PSME4: variants seen among roughly 807,000 people sequenced by gnomAD.
PSME4 encodes proteasome activator complex subunit 4.
In PSME4, 89 loss-of-function variants were observed where a neutral mutation model predicts 253.9. That is an observed-to-expected ratio of 0.35 (90% CI 0.30 to 0.42). The LOEUF (loss-of-function observed/expected upper bound fraction) is 0.42. PSME4 is among the 10% of genes least tolerant of loss of function. The pLI, the probability that PSME4 is intolerant of heterozygous loss-of-function variation, is 1.00. For synonymous variants in PSME4, 851 were observed against 759.2 expected (o/e 1.12, Z -1.99); for missense variants, 2,014 against 2,195.2 (o/e 0.92, Z 1.65).
rs571833072 is a variant in PSME4 at position 53,933,375 on chromosome 2, C to CAAAAAAAAAAAAAAAAAAAAAAAAAAA, written c.958-642_958-616dup. 8.2e-5 allele frequency among the ~76,000 whole-genome samples: 5 copies of CAAAAAAAAAAAAAAAAAAAAAAAAAAA among 60,618 alleles called. 1 individual carries two copies. The East Asian group carries it at 1.3e-3, about 16-fold the overall frequency. The allele number at this position is 60,618 out of a possible 152,430, so 39.8% of individuals were successfully genotyped here. On this transcript the variant is annotated intron_variant, in intron 8 of 46. Coordinates refer to ENST00000404125, the MANE Select transcript of PSME4 (RefSeq NM_014614.3). ...CCTGGGCGATAGAGCGAGACCATCT[C>CAAAAAAAAAAAAAAAAAAAAAAAAAAA]AAAAAAAAAAAAAAAAAAAAAAAAA...
At chr2:53,872,741 CAAAAAAAAAAAAAAAA>C (rs61308177) in intron 43 of PSME4, among the ~76,000 whole-genome samples, 1 of 48,006 alleles carries the variant, frequency 2.1e-5, no homozygotes, top group Non-Finnish European at 3.9e-5. Flanking sequence ...GACTTGGTCT[CAAAAAAAAAAAAAAAA>C]AAAAAAAAAA....
At chr2:53,966,650 A>G (rs1670752068) in intron 1 of PSME4, among the ~76,000 whole-genome samples, 1 of 152,066 alleles carries the variant, frequency 6.6e-6, no homozygotes, top group African/African-American at 2.4e-5. Flanking sequence ...GAGCACCCGC[A>G]GCCCCTCATG....
rs756419284 is a variant in PSME4, at chr2:53,869,359, C to T, written c.5263+17G>A. 20 of 1,589,712 alleles carry T rather than the reference C, an allele frequency of 1.3e-5. No individual in the cohort carries two copies. In the South Asian group the frequency reaches 1.8e-4, roughly 14 times the overall value. On this transcript the variant is annotated intron_variant, in intron 44 of 46. Coordinates refer to ENST00000404125, the MANE Select transcript of PSME4 (RefSeq NM_014614.3). ...AATTCCCAATAGGATACAGGTGTTT[C>T]CTACCAGCAATGTTACCTGCAGAAG...
At chr2:53,943,649 T>C (rs1344337123) in intron 3 of PSME4, among the ~76,000 whole-genome samples, 1 of 152,024 alleles carries the variant, frequency 6.6e-6, no homozygotes, top group Non-Finnish European at 1.5e-5. Context: ...AAGACCAGCC[T>C]GGCCAACATG....
intron 1 of PSME4, among the ~76,000 whole-genome samples, chr2:53,970,228 C>G (rs1315659700): frequency 2.0e-5 from 3 of 152,208 alleles, no homozygotes; most frequent in African/African-American, 7.2e-5. Context: ...AGGCTCACCT[C>G]TCTCCCTCGG....
chr2:53,915,240 A>G (rs1049372621), intron 20 of PSME4, among the ~76,000 whole-genome samples: 1 of 152,110 alleles, frequency 6.6e-6, no homozygotes, highest in East Asian at 1.9e-4. Context: ...CGGGAAATTG[A>G]GACCAGCCTA....
chr2:53,920,828 T>C, intron 18 of PSME4, 61 bp downstream of exon 18: 1 of 1,364,180 alleles, frequency 7.3e-7, no homozygotes, highest in Non-Finnish European at 1.0e-6. Flanking sequence ...AATAACACTT[T>C]GAATCCCTTA....
intron 18 of PSME4, 49 bp from the exon 19 acceptor site, chr2:53,920,399 A>C: frequency 1.3e-6 from 2 of 1,508,998 alleles, no homozygotes; most frequent in Non-Finnish European, 1.8e-6. Flanking sequence ...TAAAAACAAC[A>C]ACAACAAACC....
intron 10 of PSME4, 62 bp downstream of exon 10, chr2:53,931,773 A>G: frequency 6.6e-7 from 1 of 1,521,704 alleles, no homozygotes; most frequent in East Asian, 2.3e-5. Flanking sequence ...AGAAAAGAGA[A>G]TCGAGCTGAA....
At position 53,947,711 on chromosome 2, in the gene PSME4, A is replaced by AAAACAAAACG. The variant is rs1553339672; in HGVS notation, c.500+709_500+710insCGTTTTGTTT. On this transcript the variant is annotated intron_variant, in intron 3 of 46. Coordinates refer to ENST00000404125, the MANE Select transcript of PSME4 (RefSeq NM_014614.3). ...ACAGAGCGAGACTCCATCTCAAAAC[A>AAAACAAAACG]AAACAAACAAAAACACTGAAGAGGC... Among the ~76,000 whole-genome samples, 1,040 of 150,606 alleles carry AAAACAAAACG rather than the reference A, an allele frequency of 6.9e-3. 16 individuals are homozygous for AAAACAAAACG. Among genetic ancestry groups the AAAACAAAACG allele is most frequent in the African/African-American group, 0.024 (985 of 40,874 alleles).
At chr2:53,934,442 T>A (rs1669009443) in intron 8 of PSME4, among the ~76,000 whole-genome samples, 163 bp downstream of exon 8, 2 of 152,202 alleles carry the variant, frequency 1.3e-5, no homozygotes, top group African/African-American at 4.8e-5. Flanking sequence ...GGTACCACTA[T>A]ATTCTGGATT....
chr2:53,951,361 C>T (rs531975461), intron 1 of PSME4, among the ~76,000 whole-genome samples: 7 of 152,336 alleles, frequency 4.6e-5, no homozygotes, highest in East Asian at 3.9e-4. Flanking sequence ...GGATTATAGG[C>T]GTGAGCCACT....
At position 53,910,087 on chromosome 2, in the gene PSME4, C is replaced by T; in HGVS notation, c.2560G>A (p.Gly854Arg). The T allele has an allele frequency of 6.2e-7, 1 of 1,607,630 alleles. No homozygotes were observed. The highest frequency in any genetic ancestry group is 1.1e-5 in the South Asian group (1 of 90,930). Reference sequence around the variant, plus strand: ...AGGATTCACATACCATATTCAAGTCCAGTATACAACTTTGTCTCTTCCAAG... The same window carrying T: ...AGGATTCACATACCATATTCAAGTCTAGTATACAACTTTGTCTCTTCCAAG... ...VSLEETKLYT[G>R]LEYDLSRENH... Residue 854 changes from glycine to arginine, a missense_variant, in exon 21 of 47, where the codon GGA becomes AGA. Around this residue, in one of 4 missense-constraint regions of PSME4, gnomAD observed 989 missense variants for 1,021.1 expected, o/e 0.97. Transcript: ENST00000404125.
At position 53,923,242 on chromosome 2, in the gene PSME4, G is replaced by T. The variant is rs981936982; in HGVS notation, c.1908+79C>A. ...GAAAGAACTATGCATTTTAAGCATAGAAGCACCTCTAATAATTAACCATAT... is the reference window on the plus strand; with the variant it reads ...GAAAGAACTATGCATTTTAAGCATATAAGCACCTCTAATAATTAACCATAT... On this transcript the variant is annotated intron_variant, in intron 15 of 46. Transcript: ENST00000404125. The T allele has an allele frequency of 2.0e-6, 3 of 1,488,938 alleles. No homozygotes were observed. The African/African-American group carries it at 4.3e-5, about 21-fold the overall frequency. The allele number at this position is 1,488,938 out of a possible 1,614,324, so 92.2% of individuals were successfully genotyped here.
rs1192400652 is a variant in PSME4 at position 53,932,665 on chromosome 2, C to T, written c.1050+3G>A. ...CCCTATAATGCAAAACGAAGTTACT[C>T]ACCAGCCAGCGCCCATTATTTGAAG... On this transcript the variant is annotated splice_donor_region_variant and intron_variant, in intron 9 of 46. Coordinates refer to ENST00000404125, the MANE Select transcript of PSME4 (RefSeq NM_014614.3). 6.2e-7 allele frequency: 1 copy of T among 1,607,272 alleles called. No individual in the cohort carries two copies. The highest frequency in any genetic ancestry group is 1.7e-4 in the Middle Eastern group (1 of 6,048).
intron 20 of PSME4, among the ~76,000 whole-genome samples, chr2:53,916,069 C>A (rs944326173): frequency 1.3e-5 from 2 of 151,826 alleles, no homozygotes; most frequent in East Asian, 3.9e-4. Flanking sequence ...AAGCAAAACT[C>A]CACCTCAAAA....
At chr2:53,920,417 A>C in intron 18 of PSME4, 67 bp from the exon 19 acceptor site, 1 of 1,382,680 alleles carries the variant, frequency 7.2e-7, no homozygotes, top group Non-Finnish European at 9.7e-7. Flanking sequence ...ACCCACATAC[A>C]TATACACAAT....
chr2:53,874,133 G>A (rs1037505854), intron 43 of PSME4, among the ~76,000 whole-genome samples: 1 of 151,984 alleles, frequency 6.6e-6, no homozygotes, highest in Non-Finnish European at 1.5e-5. Context: ...AGCTAATTTT[G>A]GTACTTTTTG....
At position 53,875,761 on chromosome 2, in the gene PSME4, A is replaced by C. The variant is rs368833764; in HGVS notation, c.4816-6T>G. The C allele has an allele frequency of 8.1e-5, 130 of 1,609,692 alleles. No individual in the cohort carries two copies. In the East Asian group the frequency reaches 2.5e-3, roughly 31 times the overall value. On this transcript the variant is annotated splice_polypyrimidine_tract_variant and splice_region_variant and intron_variant, in intron 41 of 46. Coordinates refer to ENST00000404125, the MANE Select transcript of PSME4 (RefSeq NM_014614.3). The stretch of plus-strand genomic sequence containing the variant: ...TCATTTTCCACTGGGGCAATCTAAA[A>C]AACAATGTAAAAAGGACAAAAATGG...
Sources: gnomAD v4.1 joint callset for allele counts (sites outside exome capture counted in the v4.1 genomes callset) on GRCh38, gnomAD v4.1.1 for gene constraint, gnomAD v4.1.1 regional missense constraint, MANE v1.5 for transcripts, NCBI Gene and HGNC (gene_info 2026-07-23, HGNC 2026-07-21) for gene names.